The following CTNNA2 variants were observed in gnomAD, a reference collection of about 807,000 sequenced individuals.
CTNNA2 encodes catenin alpha 2.
Under a neutral mutation model 101.0 loss-of-function variants are expected in CTNNA2, and 42 were observed. The observed-to-expected ratio is 0.42, with a 90% CI of 0.32 to 0.54. The LOEUF (loss-of-function observed/expected upper bound fraction) is 0.54, where lower values mean the gene tolerates loss of function less well. CTNNA2 is among the 20% of genes least tolerant of loss of function. The probability of loss-of-function intolerance (pLI) is 0.14; values close to 1 mark genes in which losing one functional copy is unlikely to be tolerated. For missense variants in CTNNA2, 871 were observed against 1,223.1 expected (o/e 0.71, Z 4.29); for synonymous variants, 450 against 456.4 (o/e 0.99, Z 0.18).
chr2:79,649,835 G>A lies in CTNNA2; in HGVS notation c.-5-1717G>A, dbSNP rs144945395. ...GTGTCTTTGCCTCTACTTTTTTTCT[G>A]AAGCAAATTGGTTGGGTCTATTTGC... On this transcript the variant is annotated intron_variant, in intron 1 of 18. Transcript: ENST00000402739. Among the ~76,000 whole-genome samples the A allele has an allele frequency of 8.5e-3, 1,294 of 152,120 alleles. 27 individuals carry two copies. Among genetic ancestry groups the A allele is most frequent in the African/African-American group, 0.028 (1,176 of 41,482 alleles).
chr2:79,884,493 A>G (rs75276881), intron 6 of CTNNA2, among the ~76,000 whole-genome samples: 2,650 of 152,212 alleles, frequency 0.017, 36 homozygotes, highest in African/African-American at 0.027. Flanking sequence ...TACTTTTCGA[A>G]TACTTCAGCT....
At chr2:80,188,991 T>G (rs1348594587) in intron 7 of CTNNA2, among the ~76,000 whole-genome samples, 1 of 139,664 alleles carries the variant, frequency 7.2e-6, no homozygotes, top group Non-Finnish European at 1.5e-5. Flanking sequence ...CCTTACTCTG[T>G]CACCAGACTG....
At chr2:80,538,419 G>A (rs1691238084) in intron 9 of CTNNA2, among the ~76,000 whole-genome samples, 2 of 152,078 alleles carry the variant, frequency 1.3e-5, no homozygotes, top group African/African-American at 2.4e-5. Context: ...TAAGGAAGGG[G>A]TCCAGTTTCT....
intron 2 of CTNNA2, among the ~76,000 whole-genome samples, chr2:79,723,030 C>T (rs1434248955): frequency 1.3e-5 from 2 of 151,872 alleles, no homozygotes; most frequent in Non-Finnish European, 2.9e-5. Context: ...AATAAGAAAG[C>T]GAAAGAGTAA....
At chr2:80,327,311 G>T (rs1362862123) in intron 7 of CTNNA2, among the ~76,000 whole-genome samples, 1 of 152,204 alleles carries the variant, frequency 6.6e-6, no homozygotes, top group Non-Finnish European at 1.5e-5. Context: ...CATCAGGAAG[G>T]CCTGAGCAGG....
chr2:79,541,403 T>G (rs1033146057), intron 1 of CTNNA2, among the ~76,000 whole-genome samples: 1 of 104,712 alleles, frequency 9.6e-6, no homozygotes, highest in African/African-American at 3.5e-5. Flanking sequence ...TATACATATA[T>G]ACACATACAC....
At chr2:80,143,032 G>A (rs1703111016) in intron 7 of CTNNA2, among the ~76,000 whole-genome samples, 2 of 152,340 alleles carry the variant, frequency 1.3e-5, no homozygotes, top group South Asian at 2.1e-4. Context: ...CTTGTATGGA[G>A]TAAGGAAGGG....
chr2:79,194,948 G>A (rs192324465), intron 1 of CTNNA2, among the ~76,000 whole-genome samples: 238 of 152,178 alleles, frequency 1.6e-3, no homozygotes, highest in African/African-American at 5.2e-3. Flanking sequence ...CTTCGTGAAA[G>A]CTCTCTTTGT....
At chr2:79,818,823 A>ATATT (rs1558549124) in intron 3 of CTNNA2, among the ~76,000 whole-genome samples, 2 of 26,404 alleles carry the variant, frequency 7.6e-5, no homozygotes, top group African/African-American at 6.6e-4. Flanking sequence ...AAATGCAATT[A>ATATT]TATATATATA....
chr2:79,334,812 G>T (rs865985611), intron 3 of CTNNA2, among the ~76,000 whole-genome samples: 1 of 152,094 alleles, frequency 6.6e-6, no homozygotes, highest in African/African-American at 2.4e-5. Context: ...CATTTAGGAA[G>T]TGAAAAGCAC....
chr2:80,589,905 T>TGTGTGTGCGC (rs1491383706), intron 15 of CTNNA2, among the ~76,000 whole-genome samples: 9 of 114,498 alleles, frequency 7.9e-5, no homozygotes, highest in African/African-American at 2.8e-4. Flanking sequence ...TGTGTGTGTG[T>TGTGTGTGCGC]GCGCGCGCGC....
chr2:79,698,051 A>C (rs1480400899), intron 2 of CTNNA2: 1 of 152,070 alleles, frequency 6.6e-6, no homozygotes, highest in Non-Finnish European at 1.5e-5. Context: ...CTGTCCAAGA[A>C]ACCTTTATTT....
chr2:79,785,793 G>A (rs1055849471), intron 3 of CTNNA2, among the ~76,000 whole-genome samples: 4 of 152,074 alleles, frequency 2.6e-5, no homozygotes, highest in Non-Finnish European at 5.9e-5. Flanking sequence ...ACTCCATTGT[G>A]ATTGAGAAAA....
intron 7 of CTNNA2, among the ~76,000 whole-genome samples, chr2:80,235,624 A>G (rs1462929312): frequency 6.6e-6 from 1 of 152,008 alleles, no homozygotes; most frequent in Non-Finnish European, 1.5e-5. Context: ...GATTGGGATC[A>G]CTCCCATTTG....
intron 9 of CTNNA2, among the ~76,000 whole-genome samples, chr2:80,453,882 TTCTATGGGTA>T (rs1175899894): frequency 6.6e-6 from 1 of 152,180 alleles, no homozygotes; most frequent in Non-Finnish European, 1.5e-5. Context: ...TAAATACCCA[TTCTATGGGTA>T]CCATTACCAG....
intron 4 of CTNNA2, among the ~76,000 whole-genome samples, chr2:79,491,097 G>A (rs772461735): frequency 2.0e-5 from 3 of 152,112 alleles, no homozygotes; most frequent in African/African-American, 7.2e-5. Flanking sequence ...ATAATCTGGG[G>A]TTCACTAGTT....
chr2:79,895,036 A>G lies in CTNNA2; in HGVS notation c.853-14558A>G, dbSNP rs1470620305. Among the ~76,000 whole-genome samples the G allele has an allele frequency of 4.6e-5, 7 of 152,224 alleles. No individual in the cohort carries two copies. In the East Asian group the frequency reaches 9.6e-4, roughly 21 times the overall value. ...TACATGATCATGCTATTATGTTCCA[A>G]TGGGCACGCATCATCTTCTTGAGTT... On this transcript the variant is annotated intron_variant, in intron 6 of 18. Coordinates refer to ENST00000402739, the MANE Select transcript of CTNNA2 (RefSeq NM_001282597.3).
chr2:80,227,901 G>A (rs1481114845), intron 7 of CTNNA2, among the ~76,000 whole-genome samples: 1 of 152,034 alleles, frequency 6.6e-6, no homozygotes, highest in Non-Finnish European at 1.5e-5. Flanking sequence ...ACATGCTTAA[G>A]TTATTGTGTG....
chr2:80,609,587 C>T (rs1379586111), intron 17 of CTNNA2, among the ~76,000 whole-genome samples: 2 of 151,732 alleles, frequency 1.3e-5, no homozygotes, highest in Non-Finnish European at 2.9e-5. Context: ...AAGATTCTCT[C>T]GCCAAGAAGT....
Sources: allele counts gnomAD v4.1 joint callset (sites outside exome capture counted in the v4.1 genomes callset), GRCh38; gene constraint gnomAD v4.1.1; transcripts MANE v1.5; gene names NCBI Gene and HGNC (gene_info 2026-07-23, HGNC 2026-07-21).